Variants in PTPRN2 observed in about 807,000 individuals in gnomAD.
The protein encoded by PTPRN2 is receptor-type tyrosine-protein phosphatase N2.
Under a neutral mutation model 118.8 loss-of-function variants are expected in PTPRN2, and 74 were observed. The observed-to-expected ratio is 0.62, with a 90% CI of 0.52 to 0.76. PTPRN2 has a LOEUF of 0.76. Among genes scored for constraint, PTPRN2 ranks in the 30% least tolerant of loss-of-function variants. PTPRN2 has a pLI of 0.00. For synonymous variants in PTPRN2, 641 were observed against 608.0 expected, an observed-to-expected ratio of 1.05 and a Z score of -0.80; for missense variants, 1,481 against 1,394.4, an observed-to-expected ratio of 1.06 and a Z score of -0.99.
intron 6 of PTPRN2, among the ~76,000 whole-genome samples, chr7:158,143,894 C>T (rs369211313): frequency 6.6e-5 from 10 of 152,304 alleles, no homozygotes; most frequent in African/African-American, 2.4e-4. Context: ...CATCTGTAGA[C>T]ACCGCCTTCC....
Position 158,206,568 on chromosome 7 carries a change from G to T in PTPRN2, c.278-1295C>A, listed in dbSNP as rs73746427. Reference sequence around the variant, plus strand: ...ACCCAGCTCCAGGAAGCTCGGGGAGGGGGGGAGAGAGAGAGACCGTCCGTT... The same window carrying T: ...ACCCAGCTCCAGGAAGCTCGGGGAGTGGGGGAGAGAGAGAGACCGTCCGTT... On this transcript the variant is annotated intron_variant, in intron 3 of 22. Transcript: ENST00000389418. 8.8e-3 allele frequency among the ~76,000 whole-genome samples: 1,344 copies of T among 152,098 alleles called. 19 individuals carry two copies. Among genetic ancestry groups the T allele is most frequent in the African/African-American group, 0.03 (1,236 of 41,482 alleles).
At chr7:158,583,617 C>T (rs553035962) in intron 1 of PTPRN2, among the ~76,000 whole-genome samples, 3 of 152,204 alleles carry the variant, frequency 2.0e-5, no homozygotes, top group African/African-American at 4.8e-5. Context: ...ATTCCCTGCC[C>T]ATCCCTTCTG....
At chr7:158,149,411 A>C (rs534750163) in intron 6 of PTPRN2, among the ~76,000 whole-genome samples, 1 of 152,064 alleles carries the variant, frequency 6.6e-6, no homozygotes, top group Non-Finnish European at 1.5e-5. Context: ...AAAACATAAA[A>C]TGTATAAGAT....
At chr7:157,979,291 T>C (rs1230677465) in intron 11 of PTPRN2, among the ~76,000 whole-genome samples, 1 of 152,208 alleles carries the variant, frequency 6.6e-6, no homozygotes, top group Non-Finnish European at 1.5e-5. Flanking sequence ...GGGAATGAAA[T>C]TCCCAATAGA....
rs368358183 is a variant in PTPRN2 at position 158,557,310 on chromosome 7, C to T, written c.112+30248G>A. ...CTGTGCAGGTCGCTCCTGGGCAGGT[C>T]GCTCCCGCGCAGGGCAGGCGGCTCC... On this transcript the variant is annotated intron_variant, in intron 1 of 22. Transcript: ENST00000389418. 3.9e-3 allele frequency among the ~76,000 whole-genome samples: 548 copies of T among 139,390 alleles called. 2 individuals are homozygous for T. Among genetic ancestry groups the T allele is most frequent in the African/African-American group, 0.015 (505 of 34,002 alleles). 91.4% of individuals were successfully genotyped at this position (139,390 alleles called of 152,430 possible).
chr7:158,155,580 TCAC>T (rs1821684242), intron 6 of PTPRN2, among the ~76,000 whole-genome samples: 1 of 115,346 alleles, frequency 8.7e-6, no homozygotes, highest in African/African-American at 3.3e-5. Flanking sequence ...ATCATCACCA[TCAC>T]CATCATCACC....
chr7:157,734,846 C>T (rs898691221), intron 12 of PTPRN2, among the ~76,000 whole-genome samples: 3 of 152,226 alleles, frequency 2.0e-5, no homozygotes, highest in African/African-American at 7.2e-5. Flanking sequence ...CAGAGGCAAA[C>T]CCACACCAGG....
chr7:158,270,769 CGTCCACCTGGACCACCCCT>C (rs1563067033), intron 3 of PTPRN2, among the ~76,000 whole-genome samples: 25 of 136,276 alleles, frequency 1.8e-4, no homozygotes, highest in African/African-American at 6.9e-4. Context: ...TGGACCACCC[CGTCCACCTGGACCACCCCT>C]CCACCTGGAC....
chr7:158,340,341 A>C (rs199723410), intron 2 of PTPRN2, among the ~76,000 whole-genome samples: 10,671 of 64,304 alleles, frequency 0.17, no homozygotes, highest in African/African-American at 0.22. Context: ...CCACACTGTC[A>C]CCATAAGAGC....
chr7:157,867,755 G>C (rs1810799591), intron 12 of PTPRN2, among the ~76,000 whole-genome samples: 1 of 152,244 alleles, frequency 6.6e-6, no homozygotes, highest in Non-Finnish European at 1.5e-5. Flanking sequence ...TGTTCATTCA[G>C]GCAGAAAGAG....
At chr7:157,699,536 A>T (rs555378897) in intron 12 of PTPRN2, among the ~76,000 whole-genome samples, 8 of 152,216 alleles carry the variant, frequency 5.3e-5, no homozygotes, top group Middle Eastern at 3.4e-3. Flanking sequence ...CCAGGTTCAA[A>T]TGATTCTGCT....
At chr7:157,586,341 T>G (rs1179430312) in intron 17 of PTPRN2, among the ~76,000 whole-genome samples, 1 of 152,076 alleles carries the variant, frequency 6.6e-6, no homozygotes, top group African/African-American at 2.4e-5. Context: ...CACTCCAGAG[T>G]CAGTGAGATC....
intron 2 of PTPRN2, among the ~76,000 whole-genome samples, chr7:158,457,550 C>T (rs145530078): frequency 0.38 from 33,896 of 89,880 alleles, 4,046 homozygotes; most frequent in Middle Eastern, 0.41. Flanking sequence ...ACAGTAAAGC[C>T]ACCGTCAAAA....
Position 158,125,347 on chromosome 7 carries a change from C to T in PTPRN2, c.1556+8330G>A, listed in dbSNP as rs192240791. 2.0e-3 allele frequency among the ~76,000 whole-genome samples: 287 copies of T among 147,056 alleles called. 1 individual carries two copies. The highest frequency in any genetic ancestry group is 7.1e-3 in the Middle Eastern group (2 of 282). On this transcript the variant is annotated intron_variant, in intron 9 of 22. Coordinates refer to ENST00000389418, the MANE Select transcript of PTPRN2 (RefSeq NM_002847.5). Reference sequence around the variant, plus strand: ...CCCTGCCTCAAGTCCCTCCCACAGCCGCCCCCTGCCTCGCGTCCCTCCCAC... The same window carrying T: ...CCCTGCCTCAAGTCCCTCCCACAGCTGCCCCCTGCCTCGCGTCCCTCCCAC...
intron 11 of PTPRN2, among the ~76,000 whole-genome samples, chr7:157,971,885 A>G (rs1427152216): frequency 6.6e-6 from 1 of 152,232 alleles, no homozygotes; most frequent in Non-Finnish European, 1.5e-5. Context: ...TACAGAAGCA[A>G]TTTTAAAATG....
intron 12 of PTPRN2, among the ~76,000 whole-genome samples, chr7:157,822,919 C>T (rs1460286079): frequency 6.6e-6 from 1 of 152,116 alleles, no homozygotes; most frequent in Non-Finnish European, 1.5e-5. Context: ...ATCCACTCAT[C>T]CATCCATTTA....
chr7:158,480,843 C>T (rs1194820281), intron 2 of PTPRN2, among the ~76,000 whole-genome samples: 2 of 152,246 alleles, frequency 1.3e-5, no homozygotes, highest in African/African-American at 4.8e-5. Context: ...CAGAAGAAAA[C>T]TCTGAAGCTC....
In PTPRN2 at chr7:157,877,967, G is replaced by A. The variant is rs150532302; in HGVS notation, c.1788+20706C>T. On this transcript the variant is annotated intron_variant, in intron 12 of 22. Coordinates refer to ENST00000389418, the MANE Select transcript of PTPRN2 (RefSeq NM_002847.5). ...TCAGCTCTGTAACATAATTAACAGC[G>A]CCCCAAGGAAAATCCCGCGTATGTC... Among the ~76,000 whole-genome samples the A allele has an allele frequency of 9.2e-4, 140 of 152,304 alleles. 1 individual carries two copies. The highest frequency in any genetic ancestry group is 3.3e-3 in the African/African-American group (136 of 41,566).
At chr7:157,569,930 A>G (rs1799676098) in intron 20 of PTPRN2, among the ~76,000 whole-genome samples, 1 of 152,262 alleles carries the variant, frequency 6.6e-6, no homozygotes, top group Non-Finnish European at 1.5e-5. Flanking sequence ...TACCCAGCAG[A>G]TATCACACTT....
Sources: allele counts gnomAD v4.1 joint callset (sites outside exome capture counted in the v4.1 genomes callset), GRCh38; gene constraint gnomAD v4.1.1; transcripts MANE v1.5; gene names NCBI Gene and HGNC (gene_info 2026-07-23, HGNC 2026-07-21).